Variants in LRP8 observed in about 807,000 individuals in gnomAD.
LRP8 encodes the protein low-density lipoprotein receptor-related protein 8.
Under a neutral mutation model 111.6 loss-of-function variants are expected in LRP8, and 46 were observed. The ratio of observed to expected loss-of-function variants is 0.41; its 90% CI spans 0.33 to 0.53. The LOEUF is 0.53. Ranked by LOEUF, LRP8 falls within the 20% of genes least tolerant of loss-of-function variation. The pLI is 0.20. For synonymous variants in LRP8, 464 were observed against 511.2 expected (o/e 0.91, Z 1.24); for missense variants, 959 against 1,297.4 (o/e 0.74, Z 4.01).
At position 53,258,595 on chromosome 1, in the gene LRP8, A is replaced by AT. The variant is rs367700948; in HGVS notation, c.2057-125dup. 1.2e-3 allele frequency: 1,001 copies of AT among 832,646 alleles called. 6 individuals carry two copies. In the African/African-American group the frequency reaches 0.015, roughly 12 times the overall value. 51.6% of individuals were successfully genotyped at this position (832,646 alleles called of 1,614,324 possible). A position where few individuals can be genotyped will look rare whatever the true frequency, so the allele number is the denominator to read the frequency against. On this transcript the variant is annotated intron_variant, in intron 13 of 18. Transcript: ENST00000306052. ...GCTTGCCCTATACTTTTTTTTTCACATTTTTTTTCTTTTTCTTTCTTTTTT... is the reference window on the plus strand; with the variant it reads ...GCTTGCCCTATACTTTTTTTTTCACATTTTTTTTTCTTTTTCTTTCTTTTTT...
rs767389595 is a variant in LRP8, at chr1:53,317,428, G to A, written c.244+9445C>T. ...GAAGCAGCCACCCTGGGGCCCCAGCGCAGATGGGGTGGGATGAGATGGCTC... is the reference window on the plus strand; with the variant it reads ...GAAGCAGCCACCCTGGGGCCCCAGCACAGATGGGGTGGGATGAGATGGCTC... On this transcript the variant is annotated intron_variant, in intron 2 of 18. Transcript: ENST00000306052. The surrounding 1 kb of genome is among the most constrained non-coding windows in gnomAD (Gnocchi z 4.9). Among the ~76,000 whole-genome samples the A allele has an allele frequency of 5.9e-5, 9 of 152,210 alleles. No homozygotes were observed. Among genetic ancestry groups the A allele is most frequent in the Non-Finnish European group, 1.0e-4 (7 of 68,040 alleles).
chr1:53,252,990 T>C (rs1175256898), intron 16 of LRP8, among the ~76,000 whole-genome samples: 1 of 152,190 alleles, frequency 6.6e-6, no homozygotes, highest in Non-Finnish European at 1.5e-5. Flanking sequence ...TAGTTTATAA[T>C]AAAGATGACG....
At chr1:53,327,437 C>G (rs1655294329) in intron 1 of LRP8, 2 of 265,452 alleles carry the variant, frequency 7.5e-6, no homozygotes, top group South Asian at 1.7e-4. Context: ...CCGCCCGGCT[C>G]TGCTCATTAC....
At chr1:53,285,315 G>A (rs1647380729) in intron 3 of LRP8, among the ~76,000 whole-genome samples, 1 of 152,130 alleles carries the variant, frequency 6.6e-6, no homozygotes, top group African/African-American at 2.4e-5. Flanking sequence ...GGTCACTGGA[G>A]GAAGGGGACT....
At chr1:53,290,774 G>A (rs1406095628) in intron 2 of LRP8, among the ~76,000 whole-genome samples, 1 of 152,158 alleles carries the variant, frequency 6.6e-6, no homozygotes, top group Non-Finnish European at 1.5e-5. Context: ...GCCCGGGGGA[G>A]AGCAGTTGCC....
chr1:53,310,256 C>A lies in LRP8; in HGVS notation c.244+16617G>T, dbSNP rs894730597. Reference sequence around the variant, plus strand: ...CCTCCAGAAAAGCCCTTGGGCCCCTCCTCAGCCTTGCCCCCTCCTGCCAAG... The same window carrying A: ...CCTCCAGAAAAGCCCTTGGGCCCCTACTCAGCCTTGCCCCCTCCTGCCAAG... On this transcript the variant is annotated intron_variant, in intron 2 of 18. Transcript: ENST00000306052. Among the ~76,000 whole-genome samples, 3 of 152,100 alleles carry A rather than the reference C, an allele frequency of 2.0e-5. No homozygotes were observed. The East Asian group carries it at 5.8e-4, about 29-fold the overall frequency.
At chr1:53,308,237 G>A (rs12083497) in intron 2 of LRP8, among the ~76,000 whole-genome samples, 1,900 of 152,352 alleles carry the variant, frequency 0.012, 38 homozygotes, top group African/African-American at 0.043. Flanking sequence ...GGAGGACAGC[G>A]CAGGGAACGG....
chr1:53,247,053 C>T lies in LRP8; in HGVS notation c.2857G>A (p.Val953Met). The T allele has an allele frequency of 1.3e-6, 2 of 1,599,418 alleles. No individual in the cohort carries two copies. The highest frequency in any genetic ancestry group is 1.7e-6 in the Non-Finnish European group (2 of 1,175,178). ...CCATCATCTTCAAGGCTTAATGCCA[C>T]TCGCTGGGGAGACAAACCAAAGAAT... ...SELPVVKSKR[V>M]ALSLEDDGLP The change falls in exon 19 of 19, where the codon GTG (valine) becomes ATG (methionine). Residue 953 changes from valine (V) to methionine (M), a missense_variant. Around this residue, in one of 3 missense-constraint regions of LRP8, gnomAD observed 819 missense variants for 1,097.6 expected, o/e 0.75. Transcript: ENST00000306052.
intron 2 of LRP8, among the ~76,000 whole-genome samples, chr1:53,297,025 A>G (rs960052695): frequency 4.0e-5 from 6 of 151,188 alleles, no homozygotes; most frequent in Non-Finnish European, 5.9e-5. Flanking sequence ...CACTGGATTC[A>G]AATCCTCCAT....
chr1:53,290,486 C>G (rs1255762990), intron 2 of LRP8, among the ~76,000 whole-genome samples: 11 of 152,174 alleles, frequency 7.2e-5, no homozygotes, highest in Non-Finnish European at 1.6e-4. Flanking sequence ...GTGGCAGCTA[C>G]TGTTGTTTTC....
At chr1:53,272,518 G>A (rs1646790671) in intron 6 of LRP8, 1 of 1,223,272 alleles carries the variant, frequency 8.2e-7, no homozygotes, top group Non-Finnish European at 1.1e-6. Flanking sequence ...CATATAGCTG[G>A]TCTGAGCTGC....
Position 53,261,320 on chromosome 1 carries a change from A to G in LRP8, c.1915-715T>C, listed in dbSNP as rs149762683. Among the ~76,000 whole-genome samples the G allele has an allele frequency of 3.9e-5, 6 of 152,362 alleles. No individual in the cohort carries two copies. In the East Asian group the frequency reaches 1.2e-3, roughly 29 times the overall value. On this transcript the variant is annotated intron_variant, in intron 12 of 18. Transcript: ENST00000306052. Reference sequence around the variant, plus strand: ...AACAAGCACAAACACTTGTGTACCAACACACCTGTCCTTTAAAGCAGGGGC... The same window carrying G: ...AACAAGCACAAACACTTGTGTACCAGCACACCTGTCCTTTAAAGCAGGGGC...
At chr1:53,284,285 C>CCCGGGCCA (rs879534445) in intron 3 of LRP8, among the ~76,000 whole-genome samples, 23,507 of 143,726 alleles carry the variant, frequency 0.16, 5,693 homozygotes, top group East Asian at 0.28. Context: ...TTACTACATA[C>CCCGGGCCA]CTGGGCCACT....
intron 2 of LRP8, among the ~76,000 whole-genome samples, chr1:53,316,173 A>G (rs1653767847): frequency 6.6e-6 from 1 of 152,182 alleles, no homozygotes; most frequent in Non-Finnish European, 1.5e-5. Context: ...CTGGGGTTCC[A>G]TTCAAGGGAC....
At chr1:53,274,206 C>G (rs976468015) in intron 6 of LRP8, among the ~76,000 whole-genome samples, 1 of 152,216 alleles carries the variant, frequency 6.6e-6, no homozygotes, top group African/African-American at 2.4e-5. Context: ...AGGATGGTGC[C>G]ACCTCCTGCT....
Position 53,257,329 on chromosome 1 carries a change from G to A in LRP8, c.2345C>T (p.Ala782Val), listed in dbSNP as rs1253102432. 6 of 1,614,198 alleles carry A rather than the reference G, an allele frequency of 3.7e-6. No individual in the cohort carries two copies. The highest frequency in any genetic ancestry group is 3.3e-5 in the Admixed American group (2 of 60,028). ...NHSTETPSLT[A>V]AVPSSVSVPR... Reference sequence around the variant, plus strand: ...GACACTAACTGAGCTTGGGACTGCAGCTGTCAGGCTTGGTGTCTCTGTGCT... The same window carrying A: ...GACACTAACTGAGCTTGGGACTGCAACTGTCAGGCTTGGTGTCTCTGTGCT... Residue 782 changes from alanine (A) to valine (V), a missense_variant, in exon 15 of 19, where the codon GCT becomes GTT. This residue lies in a region of LRP8 where 819 missense variants were observed against 1,097.6 expected (regional missense o/e 0.75). Coordinates refer to ENST00000306052, the MANE Select transcript of LRP8 (RefSeq NM_004631.5).
chr1:53,278,755 CTTTTT>C (rs139298983), intron 4 of LRP8, among the ~76,000 whole-genome samples: 4 of 135,692 alleles, frequency 2.9e-5, no homozygotes, highest in Non-Finnish European at 6.3e-5. Flanking sequence ...ATGGGAAGTG[CTTTTT>C]TTTTTTTTTT....
chr1:53,321,682 TCA>T (rs1345908478), intron 2 of LRP8, among the ~76,000 whole-genome samples: 2 of 151,336 alleles, frequency 1.3e-5, no homozygotes, highest in Non-Finnish European at 2.9e-5. Context: ...CCCAAGGGAC[TCA>T]CACCGGGGAA....
chr1:53,315,789 A>G (rs943164629), intron 2 of LRP8, among the ~76,000 whole-genome samples: 6 of 152,240 alleles, frequency 3.9e-5, no homozygotes, highest in African/African-American at 1.4e-4. Context: ...GAATACACCC[A>G]GATCACATGG....
Sources: allele counts gnomAD v4.1 joint callset (sites outside exome capture counted in the v4.1 genomes callset), GRCh38; gene constraint gnomAD v4.1.1; regional missense constraint gnomAD v4.1.1; non-coding constraint Gnocchi (gnomAD v3.1); transcripts MANE v1.5; gene names NCBI Gene and HGNC (gene_info 2026-07-23, HGNC 2026-07-21).